Variants in SP1 observed in about 807,000 individuals in gnomAD.
The protein encoded by SP1 is Sp1 transcription factor, also known as transcription factor Sp1.
A neutral mutation model predicts 66.3 loss-of-function variants in SP1; 6 were observed. That is an observed-to-expected ratio of 0.09 (90% CI 0.05 to 0.18). The LOEUF (loss-of-function observed/expected upper bound fraction) is 0.18, where lower values mean the gene tolerates loss of function less well. SP1 is among the 10% of genes least tolerant of loss of function. The pLI, the probability that SP1 is intolerant of heterozygous loss-of-function variation, is 1.00. For missense variants in SP1, 848 were observed against 964.5 expected (o/e 0.88, Z 1.60); for synonymous variants, 417 against 360.8 (o/e 1.16, Z -1.77).
At chr12:53,399,819 C>T (rs539121483) in intron 3 of SP1, among the ~76,000 whole-genome samples, 3 of 151,228 alleles carry the variant, frequency 2.0e-5, no homozygotes, top group Non-Finnish European at 4.4e-5. Flanking sequence ...TTAGTAGAGA[C>T]GGGGTTTTTC....
At chr12:53,410,885 T>A in intron 5 of SP1, 42 bp from the exon 6 acceptor site, 1 of 1,483,248 alleles carries the variant, frequency 6.7e-7, no homozygotes, top group Non-Finnish European at 9.3e-7. Context: ...GTAACCTCAC[T>A]TCCTAACATG....
At chr12:53,397,435 A>G (rs1435284968) in intron 3 of SP1, among the ~76,000 whole-genome samples, 2 of 150,680 alleles carry the variant, frequency 1.3e-5, no homozygotes, top group Non-Finnish European at 3.0e-5. Flanking sequence ...AATTTAAGAC[A>G]TCTAAACACT....
chr12:53,386,949 T>G (rs1192459850), intron 3 of SP1, among the ~76,000 whole-genome samples: 1 of 151,592 alleles, frequency 6.6e-6, no homozygotes, highest in African/African-American at 2.4e-5. Flanking sequence ...TGTTTTTTTT[T>G]TTTTTTTCGT....
At chr12:53,385,886 C>T (rs1247621805) in intron 3 of SP1, among the ~76,000 whole-genome samples, 1 of 148,916 alleles carries the variant, frequency 6.7e-6, no homozygotes, top group African/African-American at 2.5e-5. Context: ...GCACTCCAGC[C>T]TGGGTGACAG....
In SP1 at chr12:53,414,291, G is replaced by A. The variant is rs545218761; in HGVS notation, c.*3051G>A. On this transcript the variant is annotated 3_prime_UTR_variant, in exon 6 of 6. Transcript: ENST00000327443. ...AAACACTTATTCCCTCATCCTTTCAGGTTTTCAGGTTGCCCATTTATATTC... is the reference window on the plus strand; with the variant it reads ...AAACACTTATTCCCTCATCCTTTCAAGTTTTCAGGTTGCCCATTTATATTC... 3.3e-5 allele frequency: 5 copies of A among 152,662 alleles called. No homozygotes were observed. Among genetic ancestry groups the A allele is most frequent in the South Asian group, 2.1e-4 (1 of 4,822 alleles). 9.5% of individuals were successfully genotyped at this position (152,662 alleles called of 1,614,324 possible). A position where few individuals can be genotyped will look rare whatever the true frequency, so the allele number is the denominator to read the frequency against.
chr12:53,408,467 T>C (rs1938801590), intron 4 of SP1, among the ~76,000 whole-genome samples: 1 of 151,062 alleles, frequency 6.6e-6, no homozygotes, highest in African/African-American at 2.4e-5. Flanking sequence ...ATTTTTGTAT[T>C]TTTTAGTACA....
chr12:53,404,012 A>G (rs947637058), intron 3 of SP1, among the ~76,000 whole-genome samples: 4 of 151,604 alleles, frequency 2.6e-5, no homozygotes, highest in African/African-American at 9.7e-5. Context: ...TCTACTAAAA[A>G]TACAAAAAGT....
intron 3 of SP1, among the ~76,000 whole-genome samples, chr12:53,392,567 C>T (rs1478030953): frequency 7.3e-5 from 11 of 151,416 alleles, no homozygotes; most frequent in Non-Finnish European, 1.2e-4. Context: ...CCGTTTTAGC[C>T]GGGATGGTCT....
intron 3 of SP1, among the ~76,000 whole-genome samples, chr12:53,390,643 A>G (rs1204297290): frequency 6.6e-6 from 1 of 151,956 alleles, no homozygotes; most frequent in Non-Finnish European, 1.5e-5. Context: ...GGATCGCACC[A>G]CTGCACTCCA....
chr12:53,409,223 A>C, intron 4 of SP1, 139 bp from the exon 5 acceptor site: 1 of 697,022 alleles, frequency 1.4e-6, no homozygotes, highest in South Asian at 1.9e-5. Flanking sequence ...AGACTCTCTC[A>C]AAAAAACAAA....
At position 53,416,304 on chromosome 12, in the gene SP1, C is replaced by T. The variant is rs943923318; in HGVS notation, c.*5064C>T. 1.3e-5 allele frequency: 2 copies of T among 148,960 alleles called. No individual in the cohort carries two copies. The highest frequency in any genetic ancestry group is 2.5e-5 in the African/African-American group (1 of 40,188). The allele number at this position is 148,960 out of a possible 1,614,324, so 9.2% of individuals were successfully genotyped here. A position where few individuals can be genotyped will look rare whatever the true frequency, so the allele number is the denominator to read the frequency against. ...TTCTTCCTGCTCCTTTTGTATCTTC[C>T]TTTCTTGTCTTTCCTCCTACCTTTT... On this transcript the variant is annotated 3_prime_UTR_variant, in exon 6 of 6. Coordinates refer to ENST00000327443, the MANE Select transcript of SP1 (RefSeq NM_138473.3).
intron 3 of SP1, among the ~76,000 whole-genome samples, chr12:53,403,691 T>G (rs940732333): frequency 2.4e-4 from 36 of 152,056 alleles, no homozygotes; most frequent in African/African-American, 8.2e-4. Flanking sequence ...TGCTAACTTG[T>G]TTACAAGATG....
rs143330180 is a variant in SP1, at chr12:53,382,608, G to A, written c.661G>A (p.Gly221Arg). ...NQQIITNRGS[G>R]GNIIAAMPNL... ...ACAGATTATCACAAATCGAGGAAGT[G>A]GAGGCAACATCATTGCTGCTATGCC... Residue 221 changes from glycine (G) to arginine (R), a missense_variant, in exon 3 of 6, where the codon GGA (glycine) becomes AGA (arginine). By Grantham distance (125) the Gly-to-Arg change is moderately radical. Transcript: ENST00000327443. The A allele has an allele frequency of 2.5e-6, 4 of 1,614,052 alleles. No individual in the cohort carries two copies. In the African/African-American group the frequency reaches 5.3e-5, roughly 22 times the overall value.
Position 53,414,599 on chromosome 12 carries a change from T to C in SP1, c.*3359T>C, listed in dbSNP as rs1938960023. 1 of 152,654 alleles carries C rather than the reference T, an allele frequency of 6.6e-6. No individual in the cohort carries two copies. Among genetic ancestry groups the C allele is most frequent in the Non-Finnish European group, 1.5e-5 (1 of 68,044 alleles). 9.5% of individuals were successfully genotyped at this position (152,654 alleles called of 1,614,324 possible). ...TACATATATATTTTTTGCTTTTGTA[T>C]ATCCTATATAGGAAACTAAGCATTG... On this transcript the variant is annotated 3_prime_UTR_variant, in exon 6 of 6. Transcript: ENST00000327443.
chr12:53,408,798 C>T (rs911946271), intron 4 of SP1, among the ~76,000 whole-genome samples: 5 of 151,916 alleles, frequency 3.3e-5, no homozygotes, highest in Non-Finnish European at 5.9e-5. Context: ...CCCAGCTACT[C>T]GGGAGGCTGA....
At chr12:53,384,447 G>C (rs967807333) in intron 3 of SP1, among the ~76,000 whole-genome samples, 6 of 151,710 alleles carry the variant, frequency 4.0e-5, no homozygotes, top group African/African-American at 1.5e-4. Context: ...ACCACGCCCA[G>C]CTAATCTTTG....
intron 3 of SP1, among the ~76,000 whole-genome samples, chr12:53,396,340 C>T (rs920874373): frequency 1.3e-5 from 2 of 150,134 alleles, no homozygotes; most frequent in Non-Finnish European, 1.5e-5. Flanking sequence ...GAGGCCGAGA[C>T]GGGTGGATCA....
At chr12:53,385,770 G>A (rs949031571) in intron 3 of SP1, among the ~76,000 whole-genome samples, 3 of 151,660 alleles carry the variant, frequency 2.0e-5, no homozygotes, top group Admixed American at 6.6e-5. Flanking sequence ...AAAATTAGCC[G>A]GGCGTGGTGG....
chr12:53,394,950 T>C (rs1208466620), intron 3 of SP1, among the ~76,000 whole-genome samples: 1 of 151,908 alleles, frequency 6.6e-6, no homozygotes, highest in African/African-American at 2.4e-5. Flanking sequence ...AGGGTAGTCT[T>C]GAACTCCTGG....
Sources: gnomAD v4.1 joint callset for allele counts (sites outside exome capture counted in the v4.1 genomes callset) on GRCh38, gnomAD v4.1.1 for gene constraint, MANE v1.5 for transcripts, NCBI Gene and HGNC (gene_info 2026-07-23, HGNC 2026-07-21) for gene names.